Variants in NCOA2 observed in about 807,000 individuals in gnomAD.
NCOA2 encodes nuclear receptor coactivator 2.
A neutral mutation model predicts 145.1 loss-of-function variants in NCOA2; 21 were observed. The ratio of observed to expected loss-of-function variants is 0.14; its 90% CI spans 0.10 to 0.21. The LOEUF is 0.21. NCOA2 is among the 10% of genes least tolerant of loss of function. The pLI is 1.00. For synonymous variants in NCOA2, 619 were observed against 637.5 expected, an observed-to-expected ratio of 0.97 and a Z score of 0.44; for missense variants, 1,472 against 1,837.6, an observed-to-expected ratio of 0.80 and a Z score of 3.64.
intron 13 of NCOA2, among the ~76,000 whole-genome samples, chr8:70,142,556 G>A (rs559559167): frequency 2.0e-5 from 3 of 152,172 alleles, no homozygotes; most frequent in South Asian, 2.1e-4. Context: ...AAAATTAGCC[G>A]GGCATGGTGG....
At chr8:70,357,998 C>T (rs1442734411) in intron 1 of NCOA2, among the ~76,000 whole-genome samples, 2 of 151,994 alleles carry the variant, frequency 1.3e-5, no homozygotes, top group African/African-American at 4.8e-5. Flanking sequence ...ATGCAGTGAG[C>T]CGAGATCATG....
chr8:70,383,630 C>T (rs1402865889), intron 1 of NCOA2, among the ~76,000 whole-genome samples: 2 of 151,994 alleles, frequency 1.3e-5, no homozygotes, highest in African/African-American at 4.8e-5. Flanking sequence ...CTCAGCCTCC[C>T]GAGTAGCTGG....
chr8:70,205,657 A>G (rs999427743), intron 4 of NCOA2, among the ~76,000 whole-genome samples: 1 of 152,128 alleles, frequency 6.6e-6, no homozygotes, highest in Admixed American at 6.5e-5. Flanking sequence ...GGAAACCACA[A>G]CGTGAGAGCC....
intron 2 of NCOA2, among the ~76,000 whole-genome samples, chr8:70,219,696 G>C (rs984481941): frequency 6.6e-6 from 1 of 151,864 alleles, no homozygotes; most frequent in South Asian, 2.1e-4. Flanking sequence ...GTGGAGGGGG[G>C]GCAGACAGCT....
In NCOA2 at chr8:70,155,976, C is replaced by T; in HGVS notation, c.2389G>A (p.Asp797Asn). 1 of 1,565,454 alleles carries T rather than the reference C, an allele frequency of 6.4e-7. No individual in the cohort carries two copies. Among genetic ancestry groups the T allele is most frequent in the Non-Finnish European group, 8.6e-7 (1 of 1,159,250 alleles). ...EKEEMSFEPG[D>N]QPGSELDNLE... ...GAAGATGTGATAAAACTTACCTGGTCACCAGGCTCAAAGCTCATCTCCTCC... is the reference window on the plus strand; with the variant it reads ...GAAGATGTGATAAAACTTACCTGGTTACCAGGCTCAAAGCTCATCTCCTCC... The change falls in exon 11 of 23, where the codon GAC becomes AAC. Residue 797 changes from aspartate to asparagine, a missense_variant. Transcript: ENST00000452400.
the NCOA2 span, among the ~76,000 whole-genome samples, chr8:70,440,781 AAAG>A: frequency 6.6e-6 from 1 of 151,660 alleles, no homozygotes; most frequent in Non-Finnish European, 1.5e-5. Flanking sequence ...GAAAGAAAGA[AAAG>A]AAGAAAGAAA....
chr8:70,227,881 T>C (rs538349013), intron 2 of NCOA2, among the ~76,000 whole-genome samples: 31 of 151,780 alleles, frequency 2.0e-4, no homozygotes, highest in Admixed American at 1.3e-4. Flanking sequence ...CCGGGCATGA[T>C]TGCACGCACT....
In NCOA2 at chr8:70,197,574, T is replaced by A. The variant is rs1037631687; in HGVS notation, c.259+16329A>T. ...ATATTCCTGATGGCTAGCACAGTGT[T>A]TGAACATAGAAGATATCTGGCCAAT... On this transcript the variant is annotated intron_variant, in intron 4 of 22. Coordinates refer to ENST00000452400, the MANE Select transcript of NCOA2 (RefSeq NM_006540.4). Among the ~76,000 whole-genome samples the A allele has an allele frequency of 3.3e-5, 5 of 152,228 alleles. No homozygotes were observed. The East Asian group carries it at 7.7e-4, about 23-fold the overall frequency.
At chr8:70,348,102 T>C (rs1808845983) in intron 1 of NCOA2, among the ~76,000 whole-genome samples, 1 of 152,202 alleles carries the variant, frequency 6.6e-6, no homozygotes, top group African/African-American at 2.4e-5. Flanking sequence ...AAGTAAACAA[T>C]TGGCTACAAT....
chr8:70,452,957 G>A, the NCOA2 span, among the ~76,000 whole-genome samples: 1 of 152,164 alleles, frequency 6.6e-6, no homozygotes. Context: ...TAGAAAATTA[G>A]CAGTACAGGT....
At chr8:70,125,323 G>A (rs760944875) in intron 19 of NCOA2, among the ~76,000 whole-genome samples, 25 of 152,112 alleles carry the variant, frequency 1.6e-4, no homozygotes, top group Non-Finnish European at 2.9e-4. Flanking sequence ...GTACAGTGGC[G>A]TGATCATAGT....
At chr8:70,308,752 G>C (rs1329697758) in intron 1 of NCOA2, among the ~76,000 whole-genome samples, 1 of 152,130 alleles carries the variant, frequency 6.6e-6, no homozygotes, top group Admixed American at 6.6e-5. Flanking sequence ...ATTACCATTT[G>C]ATATCTAAAC....
intron 1 of NCOA2, among the ~76,000 whole-genome samples, chr8:70,390,534 A>C (rs1813096158): frequency 6.6e-6 from 1 of 152,120 alleles, no homozygotes; most frequent in African/African-American, 2.4e-5. Flanking sequence ...TGGGAGGCCA[A>C]GGCACAAGGA....
chr8:70,396,106 A>T (rs1208732574), intron 1 of NCOA2, among the ~76,000 whole-genome samples: 2 of 152,240 alleles, frequency 1.3e-5, no homozygotes, highest in African/African-American at 2.4e-5. Flanking sequence ...CTCAACACCT[A>T]GTCATCCATG....
At chr8:70,113,928 G>C (rs184716160) in intron 22 of NCOA2, among the ~76,000 whole-genome samples, 1 of 152,202 alleles carries the variant, frequency 6.6e-6, no homozygotes, top group East Asian at 1.9e-4. Flanking sequence ...CTTAATGACC[G>C]CTCTCCAACC....
intron 2 of NCOA2, among the ~76,000 whole-genome samples, chr8:70,240,572 A>G (rs1822039138): frequency 6.6e-6 from 1 of 152,192 alleles, no homozygotes; most frequent in South Asian, 2.1e-4. Context: ...TTGGAACGCT[A>G]TAGAGGGTTC....
intron 1 of NCOA2, among the ~76,000 whole-genome samples, chr8:70,317,195 CTT>C (rs1805654783): frequency 6.6e-6 from 1 of 152,304 alleles, no homozygotes; most frequent in East Asian, 1.9e-4. Context: ...ATTCTATCCT[CTT>C]TGTTTCTTTT....
chr8:70,445,238 C>G, the NCOA2 span, among the ~76,000 whole-genome samples: 1 of 152,118 alleles, frequency 6.6e-6, no homozygotes, highest in Non-Finnish European at 1.5e-5. Context: ...ATCAGTAAAG[C>G]TTCTGTCATT....
intron 2 of NCOA2, among the ~76,000 whole-genome samples, chr8:70,242,098 TAG>T (rs1405528965): frequency 6.6e-6 from 1 of 152,174 alleles, no homozygotes; most frequent in Admixed American, 6.6e-5. Context: ...TAAGGACTTA[TAG>T]AAACAAAACA....
Sources: gnomAD v4.1 joint callset for allele counts (sites outside exome capture counted in the v4.1 genomes callset) on GRCh38, gnomAD v4.1.1 for gene constraint, MANE v1.5 for transcripts, NCBI Gene and HGNC (gene_info 2026-07-23, HGNC 2026-07-21) for gene names.